The following ACER3 variants were observed in gnomAD, a reference collection of about 807,000 sequenced individuals.
ACER3 encodes the protein alkCDase 3.
ACER3 carries 16 observed loss-of-function variants against 48.9 expected under a neutral mutation model. The observed-to-expected ratio is 0.33, with a 90% CI of 0.22 to 0.50. The LOEUF (loss-of-function observed/expected upper bound fraction) is 0.50, where lower values mean the gene tolerates loss of function less well. Ranked by LOEUF, ACER3 falls within the 20% of genes least tolerant of loss-of-function variation. The pLI is 0.98. For synonymous variants in ACER3, 109 were observed against 107.8 expected (o/e 1.01, Z -0.07); for missense variants, 227 against 326.0 (o/e 0.70, Z 2.34).
At chr11:76,938,435 C>T (rs1333098539) in intron 2 of ACER3, among the ~76,000 whole-genome samples, 1 of 152,140 alleles carries the variant, frequency 6.6e-6, no homozygotes, top group Non-Finnish European at 1.5e-5. Context: ...CCTTCCACCT[C>T]AGCCTCTGAA....
intron 4 of ACER3, among the ~76,000 whole-genome samples, chr11:76,981,947 G>T (rs1258285661): frequency 6.6e-6 from 1 of 152,084 alleles, no homozygotes; most frequent in Non-Finnish European, 1.5e-5. Context: ...TACTTTATAG[G>T]AAACTGCCAA....
At chr11:76,907,115 T>C (rs1946255335) in intron 1 of ACER3, among the ~76,000 whole-genome samples, 1 of 152,218 alleles carries the variant, frequency 6.6e-6, no homozygotes, top group South Asian at 2.1e-4. Flanking sequence ...CAACTTACAT[T>C]AGACAGCCAG....
chr11:76,928,713 A>G (rs1215331581), intron 2 of ACER3, among the ~76,000 whole-genome samples: 4 of 152,220 alleles, frequency 2.6e-5, no homozygotes, highest in Non-Finnish European at 4.4e-5. Context: ...TTTATTAAAT[A>G]AGGAATCCTT....
chr11:76,991,815 C>CAAAAAAAAAAAA (rs5792751), intron 6 of ACER3, among the ~76,000 whole-genome samples: 2 of 123,284 alleles, frequency 1.6e-5, no homozygotes, highest in Non-Finnish European at 3.3e-5. Context: ...AACTCTGTCT[C>CAAAAAAAAAAAA]AAAAAAAAAA....
At chr11:77,000,915 G>T (rs990053039) in intron 7 of ACER3, among the ~76,000 whole-genome samples, 1 of 151,788 alleles carries the variant, frequency 6.6e-6, no homozygotes, top group Admixed American at 6.6e-5. Flanking sequence ...TCCATATAAA[G>T]TTTAGAATAA....
At chr11:76,864,173 T>A (rs571926086) in intron 1 of ACER3, among the ~76,000 whole-genome samples, 2 of 152,226 alleles carry the variant, frequency 1.3e-5, no homozygotes, top group African/African-American at 2.4e-5. Context: ...TCAGCCAAGA[T>A]CAGTTTAAAT....
intron 1 of ACER3, among the ~76,000 whole-genome samples, chr11:76,898,249 C>T (rs1945984874): frequency 6.6e-6 from 1 of 152,080 alleles, no homozygotes; most frequent in Non-Finnish European, 1.5e-5. Flanking sequence ...CTCAAAGACT[C>T]CAAAAAGGGT....
intron 4 of ACER3, among the ~76,000 whole-genome samples, chr11:76,981,164 C>T (rs1304026635): frequency 6.6e-6 from 1 of 152,096 alleles, no homozygotes; most frequent in African/African-American, 2.4e-5. Context: ...TCATTGCTAC[C>T]ACCTCAGAGT....
At chr11:76,913,275 A>G (rs1425167015) in intron 1 of ACER3, among the ~76,000 whole-genome samples, 1 of 152,112 alleles carries the variant, frequency 6.6e-6, no homozygotes, top group South Asian at 2.1e-4. Context: ...TTGGGCTGAG[A>G]CGATGGGGTT....
rs887086220 is a variant in ACER3 at position 77,009,404 on chromosome 11, T to G, written c.498-5612T>G. On this transcript the variant is annotated intron_variant, in intron 7 of 10. Transcript: ENST00000532485. ...AGAGTGCCCCCATGACTCAAACACCTCCCACCAGGCCCCACTTAGAACACT... is the reference window on the plus strand; with the variant it reads ...AGAGTGCCCCCATGACTCAAACACCGCCCACCAGGCCCCACTTAGAACACT... Among the ~76,000 whole-genome samples the G allele has an allele frequency of 1.4e-4, 21 of 152,120 alleles. No homozygotes were observed. In the South Asian group the frequency reaches 2.9e-3, roughly 21 times the overall value.
chr11:77,010,918 A>G (rs1477392086), intron 7 of ACER3, among the ~76,000 whole-genome samples: 4 of 152,252 alleles, frequency 2.6e-5, no homozygotes, highest in Non-Finnish European at 5.9e-5. Context: ...GTTTTCATAC[A>G]TTCCAAGATC....
intron 1 of ACER3, among the ~76,000 whole-genome samples, chr11:76,913,420 G>C (rs1283137479): frequency 6.6e-6 from 1 of 152,192 alleles, no homozygotes; most frequent in Non-Finnish European, 1.5e-5. Context: ...AATCGGAATA[G>C]TGAGAGAGGA....
rs963723007 is a variant in ACER3, at chr11:76,953,459, A to C, written c.215-5520A>C. Among the ~76,000 whole-genome samples the C allele has an allele frequency of 7.2e-5, 11 of 152,142 alleles. No individual in the cohort carries two copies. In the South Asian group the frequency reaches 2.1e-3, roughly 29 times the overall value. ...CTAAAAATACAAAAATTAGCTGGGC[A>C]TGGTGGTGGGTGCCTGTAATCCCAG... On this transcript the variant is annotated intron_variant, in intron 2 of 10. Coordinates refer to ENST00000532485, the MANE Select transcript of ACER3 (RefSeq NM_018367.7).
chr11:76,929,510 T>C (rs1946934166), intron 2 of ACER3, among the ~76,000 whole-genome samples: 1 of 152,044 alleles, frequency 6.6e-6, no homozygotes, highest in Non-Finnish European at 1.5e-5. Context: ...TGAATAGGAG[T>C]GGTGAGAGAG....
intron 1 of ACER3, among the ~76,000 whole-genome samples, chr11:76,894,878 T>C (rs1047538166): frequency 3.3e-5 from 5 of 152,330 alleles, no homozygotes; most frequent in Admixed American, 2.6e-4. Flanking sequence ...CCTTAGGATC[T>C]TAATCTGCAT....
intron 7 of ACER3, among the ~76,000 whole-genome samples, chr11:77,003,194 T>C (rs1232616766): frequency 1.3e-5 from 2 of 152,256 alleles, no homozygotes; most frequent in African/African-American, 4.8e-5. Flanking sequence ...TCAGCTTCTT[T>C]AATAGTCATG....
At chr11:76,882,937 C>G (rs1222429916) in intron 1 of ACER3, among the ~76,000 whole-genome samples, 1 of 152,112 alleles carries the variant, frequency 6.6e-6, no homozygotes, top group East Asian at 1.9e-4. Flanking sequence ...TTTAGGGATC[C>G]CTTCTTTGTT....
At chr11:76,933,350 T>C (rs1947071056) in intron 2 of ACER3, among the ~76,000 whole-genome samples, 1 of 146,302 alleles carries the variant, frequency 6.8e-6, no homozygotes, top group African/African-American at 2.4e-5. Flanking sequence ...GGCAAGGTCA[T>C]AGGACAATAG....
At chr11:76,966,068 CAT>C (rs1948130247) in intron 3 of ACER3, among the ~76,000 whole-genome samples, 1 of 151,458 alleles carries the variant, frequency 6.6e-6, no homozygotes, top group East Asian at 1.9e-4. Context: ...AGATCCATCT[CAT>C]GTGCAGAGAC....
Sources: allele counts gnomAD v4.1 joint callset (sites outside exome capture counted in the v4.1 genomes callset), GRCh38; gene constraint gnomAD v4.1.1; transcripts MANE v1.5; gene names NCBI Gene and HGNC (gene_info 2026-07-23, HGNC 2026-07-21).